Variants in SMARCC1 observed in about 807,000 individuals in gnomAD.
SMARCC1 encodes SWI/SNF related BAF chromatin remodeling complex subunit C1, also known as SWI/SNF complex subunit SMARCC1.
Under a neutral mutation model 147.4 loss-of-function variants are expected in SMARCC1, and 43 were observed. That is an observed-to-expected ratio of 0.29 (90% CI 0.23 to 0.38). SMARCC1 has a LOEUF of 0.38. Among genes scored for constraint, SMARCC1 ranks in the 10% least tolerant of loss-of-function variants. The pLI is 1.00. For missense variants in SMARCC1, 1,119 were observed against 1,381.1 expected, an observed-to-expected ratio of 0.81 and a Z score of 3.01; for synonymous variants, 495 against 484.4, an observed-to-expected ratio of 1.02 and a Z score of -0.29.
intron 2 of SMARCC1, among the ~76,000 whole-genome samples, chr3:47,755,182 G>C (rs577129429): frequency 6.6e-6 from 1 of 152,258 alleles, no homozygotes; most frequent in African/African-American, 2.4e-5. Context: ...CTGCACTTCA[G>C]TCTGAGTGAG....
At chr3:47,735,412 T>G (rs927239164) in intron 5 of SMARCC1, among the ~76,000 whole-genome samples, 1 of 152,022 alleles carries the variant, frequency 6.6e-6, no homozygotes, top group African/African-American at 2.4e-5. Flanking sequence ...CCTAATACTT[T>G]GGGAGGGCGA....
intron 3 of SMARCC1, among the ~76,000 whole-genome samples, chr3:47,740,536 T>C (rs1315807751): frequency 6.6e-6 from 1 of 151,752 alleles, no homozygotes; most frequent in African/African-American, 2.4e-5. Flanking sequence ...AAATGGAGTT[T>C]CACCATGTGG....
chr3:47,675,362 A>T (rs2033555575), intron 18 of SMARCC1, 113 bp downstream of exon 18: 2 of 557,378 alleles, frequency 3.6e-6, no homozygotes, highest in Non-Finnish European at 6.5e-6. Context: ...AGGTAAGATA[A>T]ATCATAATTG....
At chr3:47,641,437 A>G (rs2033046427) in intron 21 of SMARCC1, among the ~76,000 whole-genome samples, 1 of 152,158 alleles carries the variant, frequency 6.6e-6, no homozygotes, top group Non-Finnish European at 1.5e-5. Flanking sequence ...GTGAGCTGAG[A>G]CCTTGCCACT....
intron 21 of SMARCC1, among the ~76,000 whole-genome samples, chr3:47,647,768 C>T (rs934760314): frequency 1.3e-5 from 2 of 152,174 alleles, no homozygotes; most frequent in Non-Finnish European, 2.9e-5. Flanking sequence ...ATAAAGCCAG[C>T]AATACACAGT....
At chr3:47,767,189 GAAAAAAAAAA>G (rs375076788) in intron 2 of SMARCC1, among the ~76,000 whole-genome samples, 4 of 80,176 alleles carry the variant, frequency 5.0e-5, no homozygotes, top group East Asian at 4.7e-4. Context: ...TCTCCAAAAA[GAAAAAAAAAA>G]AAAAAAAAAA....
chr3:47,673,122 T>C (rs536692051), intron 18 of SMARCC1, among the ~76,000 whole-genome samples: 45 of 152,214 alleles, frequency 3.0e-4, no homozygotes, highest in African/African-American at 1.1e-3. Context: ...TGGTGGTTCA[T>C]GCTTGTAATC....
intron 26 of SMARCC1, among the ~76,000 whole-genome samples, chr3:47,598,862 G>GACACACACACAC (rs113400730): frequency 1.7e-4 from 22 of 128,122 alleles, no homozygotes; most frequent in African/African-American, 6.6e-4. Context: ...GAGAGAGAGA[G>GACACACACACAC]ACACACACAC....
intron 20 of SMARCC1, among the ~76,000 whole-genome samples, chr3:47,661,996 T>C (rs2033353053): frequency 4.0e-5 from 1 of 25,074 alleles, no homozygotes; most frequent in Non-Finnish European, 1.5e-4. Context: ...TTTGTAATAC[T>C]TTTTTTTTTT....
intron 2 of SMARCC1, among the ~76,000 whole-genome samples, chr3:47,768,853 G>C (rs1195493194): frequency 6.6e-6 from 1 of 152,074 alleles, no homozygotes; most frequent in Non-Finnish European, 1.5e-5. Flanking sequence ...GAAAATAAAA[G>C]TTCTTCATAC....
intron 3 of SMARCC1, among the ~76,000 whole-genome samples, chr3:47,744,181 G>A (rs1214002058): frequency 6.6e-6 from 1 of 151,900 alleles, no homozygotes; most frequent in Non-Finnish European, 1.5e-5. Context: ...TTTGGAGACA[G>A]CCCAGGCAGG....
intron 1 of SMARCC1, among the ~76,000 whole-genome samples, chr3:47,779,578 T>C (rs998401108): frequency 6.6e-6 from 1 of 152,194 alleles, no homozygotes; most frequent in African/African-American, 2.4e-5. Context: ...GTCTCAGGGA[T>C]AGTGAATCAA....
At chr3:47,641,320 C>A (rs1022488713) in intron 21 of SMARCC1, among the ~76,000 whole-genome samples, 2 of 152,050 alleles carry the variant, frequency 1.3e-5, no homozygotes, top group African/African-American at 4.8e-5. Flanking sequence ...AACCCCGTGT[C>A]CACAAACTAT....
Position 47,610,074 on chromosome 3 carries a change from G to C in SMARCC1, c.3035C>G (p.Pro1012Arg), listed in dbSNP as rs768184859. The change falls in exon 26 of 28, where the codon CCC (proline) becomes CGC (arginine). Residue 1012 changes from proline (P) to arginine (R), a missense_variant. By Grantham distance (103) the Pro-to-Arg change is moderately radical. Coordinates refer to ENST00000254480, the MANE Select transcript of SMARCC1 (RefSeq NM_003074.4). Reference sequence around the variant, plus strand: ...CAGGGCCTTCCTCTTACCTGGCTGGGGTGGATGAGGTGGTGGCATCTGGTG... The same window carrying C: ...CAGGGCCTTCCTCTTACCTGGCTGGCGTGGATGAGGTGGTGGCATCTGGTG... Reference protein sequence around the residue: ...MHHQMPPPHPPQPGQIPGPGS... With the variant: ...MHHQMPPPHPRQPGQIPGPGS... 3.5e-5 allele frequency: 56 copies of C among 1,612,262 alleles called. No individual in the cohort carries two copies. The highest frequency in any genetic ancestry group is 1.7e-6 in the Non-Finnish European group (2 of 1,179,998).
chr3:47,730,866 C>CA (rs59650729), intron 5 of SMARCC1, among the ~76,000 whole-genome samples: 1,288 of 92,812 alleles, frequency 0.014, 12 homozygotes, highest in African/African-American at 0.03. Context: ...AATGCCATCT[C>CA]AAAAAAAAAA....
At chr3:47,600,946 TAA>T (rs543546684) in intron 26 of SMARCC1, among the ~76,000 whole-genome samples, 1 of 111,078 alleles carries the variant, frequency 9.0e-6, no homozygotes. Flanking sequence ...TCTTTTCCAT[TAA>T]AAAAAAAAAA....
At chr3:47,688,174 C>T (rs1037282895) in intron 13 of SMARCC1, among the ~76,000 whole-genome samples, 8 of 151,992 alleles carry the variant, frequency 5.3e-5, no homozygotes, top group South Asian at 2.1e-4. Context: ...GCAGGAGAAT[C>T]GCTAGAACCC....
At chr3:47,624,157 G>A (rs2106687636) in intron 24 of SMARCC1, among the ~76,000 whole-genome samples, 1 of 152,012 alleles carries the variant, frequency 6.6e-6, no homozygotes. Flanking sequence ...TGGGTGTGGT[G>A]GTGCATGTCT....
chr3:47,682,362 T>C (rs2033664139), intron 14 of SMARCC1, among the ~76,000 whole-genome samples: 1 of 150,882 alleles, frequency 6.6e-6, no homozygotes. Flanking sequence ...CACTGTAACC[T>C]AGAACTCCTA....
Sources: allele counts gnomAD v4.1 joint callset (sites outside exome capture counted in the v4.1 genomes callset), GRCh38; gene constraint gnomAD v4.1.1; transcripts MANE v1.5; gene names NCBI Gene and HGNC (gene_info 2026-07-23, HGNC 2026-07-21).